CRPPA: variants seen among roughly 807,000 people sequenced by gnomAD.
CRPPA encodes D-ribitol-5-phosphate cytidylyltransferase.
CRPPA carries 43 observed loss-of-function variants against 52.0 expected under a neutral mutation model. The ratio of observed to expected loss-of-function variants is 0.83; its 90% CI spans 0.65 to 1.07. The LOEUF (loss-of-function observed/expected upper bound fraction) is 1.07, where lower values mean the gene tolerates loss of function less well. Ranked by LOEUF, CRPPA falls within the 50% of genes least tolerant of loss-of-function variation. The pLI, the probability that CRPPA is intolerant of heterozygous loss-of-function variation, is 0.00. For synonymous variants in CRPPA, 250 were observed against 203.5 expected, an observed-to-expected ratio of 1.23 and a Z score of -1.94; for missense variants, 629 against 551.7, an observed-to-expected ratio of 1.14 and a Z score of -1.40.
chr7:16,408,041 G>T (rs138496776), intron 1 of CRPPA, among the ~76,000 whole-genome samples: 1 of 150,322 alleles, frequency 6.7e-6, no homozygotes, highest in African/African-American at 2.4e-5. Context: ...CCAGGAGGCA[G>T]AAGTTGAAAT....
intron 9 of CRPPA, among the ~76,000 whole-genome samples, chr7:16,139,929 T>C (rs1271360934): frequency 6.6e-6 from 1 of 152,142 alleles, no homozygotes; most frequent in Admixed American, 6.6e-5. Flanking sequence ...AGTATCTTGT[T>C]TGATATACTC....
chr7:16,219,669 A>G (rs1052593796), intron 8 of CRPPA, among the ~76,000 whole-genome samples: 3 of 113,130 alleles, frequency 2.7e-5, no homozygotes, highest in Non-Finnish European at 5.8e-5. Flanking sequence ...AAACACCTCT[A>G]CGCAAATAAA....
rs34795937 is a variant in CRPPA at position 16,209,273 on chromosome 7, C to CTTTTTTT, written c.1251+6786_1251+6792dup. The CTTTTTTT allele has an allele frequency of 4.6e-4, 57 of 123,064 alleles. 4 individuals are homozygous for CTTTTTTT. The highest frequency in any genetic ancestry group is 8.8e-4 in the Non-Finnish European group (49 of 55,864). 7.6% of individuals were successfully genotyped at this position (123,064 alleles called of 1,614,324 possible). A position where few individuals can be genotyped will look rare whatever the true frequency, so the allele number is the denominator to read the frequency against. ...GGCCAAGTAATACGGTTCTAAGTGT[C>CTTTTTTT]TTTTTTTTTTTTTTTTTGAGACGAG... On this transcript the variant is annotated intron_variant, in intron 9 of 9. Transcript: ENST00000407010.
intron 9 of CRPPA, among the ~76,000 whole-genome samples, chr7:16,111,085 C>G (rs1782254117): frequency 6.7e-6 from 1 of 150,104 alleles, no homozygotes; most frequent in African/African-American, 2.4e-5. Flanking sequence ...GAAAACAAAG[C>G]AAACAATTAA....
In CRPPA at chr7:16,091,241, C is replaced by CA. The variant is rs1450546249; in HGVS notation, c.*453dup. On this transcript the variant is annotated 3_prime_UTR_variant, in exon 10 of 10. Transcript: ENST00000407010. ...ACATTTTTAACACAAGACAAAAAGA[C>CA]AAAATATCACCTGGTGACAGGACAA... The CA allele has an allele frequency of 1.3e-5, 2 of 153,524 alleles. No individual in the cohort carries two copies. Among genetic ancestry groups the CA allele is most frequent in the East Asian group, 3.8e-4 (2 of 5,210 alleles). The allele number at this position is 153,524 out of a possible 1,614,324, so 9.5% of individuals were successfully genotyped here.
At chr7:16,211,905 C>T (rs1435911861) in intron 9 of CRPPA, among the ~76,000 whole-genome samples, 3 of 152,070 alleles carry the variant, frequency 2.0e-5, no homozygotes, top group South Asian at 2.1e-4. Context: ...CTTACGTCAT[C>T]GAGTAGAGCA....
intron 5 of CRPPA, among the ~76,000 whole-genome samples, chr7:16,284,403 T>G (rs1411931864): frequency 6.6e-6 from 1 of 152,140 alleles, no homozygotes; most frequent in African/African-American, 2.4e-5. Context: ...TAGTGCCTGG[T>G]ACAAGAAAAC....
chr7:16,130,863 G>A (rs944699705), intron 9 of CRPPA, among the ~76,000 whole-genome samples: 1 of 152,090 alleles, frequency 6.6e-6, no homozygotes, highest in African/African-American at 2.4e-5. Flanking sequence ...TTTGGGGGGT[G>A]ATTAGGTCAT....
intron 5 of CRPPA, among the ~76,000 whole-genome samples, chr7:16,289,733 G>A (rs767046532): frequency 1.5e-4 from 23 of 152,076 alleles, no homozygotes; most frequent in Non-Finnish European, 2.9e-4. Flanking sequence ...ATACTGAATG[G>A]AGAAAAGCTG....
At chr7:16,359,204 C>A (rs560974562) in intron 3 of CRPPA, among the ~76,000 whole-genome samples, 3 of 152,174 alleles carry the variant, frequency 2.0e-5, no homozygotes, top group Non-Finnish European at 4.4e-5. Flanking sequence ...TCACTGTAAC[C>A]TAGAACTCCT....
chr7:16,329,849 C>T (rs973598383), intron 3 of CRPPA, among the ~76,000 whole-genome samples: 2 of 152,178 alleles, frequency 1.3e-5, no homozygotes, highest in Non-Finnish European at 2.9e-5. Context: ...AATAGAGGAA[C>T]CATGATGTTG....
intron 6 of CRPPA, among the ~76,000 whole-genome samples, chr7:16,274,250 G>A (rs1404303471): frequency 2.0e-5 from 3 of 151,912 alleles, no homozygotes; most frequent in East Asian, 3.9e-4. Context: ...AGGTTTCACC[G>A]TGTTAGCCAG....
intron 9 of CRPPA, among the ~76,000 whole-genome samples, chr7:16,204,240 T>C (rs1781919267): frequency 6.6e-6 from 1 of 152,290 alleles, no homozygotes; most frequent in African/African-American, 2.4e-5. Flanking sequence ...CAGAAAACTA[T>C]ATGACAATTG....
At chr7:16,318,044 T>C (rs1341552953) in intron 3 of CRPPA, among the ~76,000 whole-genome samples, 1 of 152,180 alleles carries the variant, frequency 6.6e-6, no homozygotes, top group Non-Finnish European at 1.5e-5. Flanking sequence ...GAATTTTCAT[T>C]GTCAACACAG....
At chr7:16,308,783 T>TA (rs1784972574) in intron 3 of CRPPA, among the ~76,000 whole-genome samples, 156 bp from the exon 4 acceptor site, 1 of 152,204 alleles carries the variant, frequency 6.6e-6, no homozygotes, top group Non-Finnish European at 1.5e-5. Context: ...CCCCATTAGC[T>TA]AAAAGCAAAA....
At chr7:16,407,071 G>A (rs142277544) in intron 1 of CRPPA, among the ~76,000 whole-genome samples, 1,959 of 152,232 alleles carry the variant, frequency 0.013, 51 homozygotes, top group African/African-American at 0.046. Flanking sequence ...TGCCTCCTGG[G>A]TTCAAACGAT....
chr7:16,188,555 G>T (rs2128389741), intron 9 of CRPPA, among the ~76,000 whole-genome samples: 1 of 152,258 alleles, frequency 6.6e-6, no homozygotes, highest in African/African-American at 2.4e-5. Flanking sequence ...TCTGCTAGCA[G>T]TGTGAGATTG....
intron 9 of CRPPA, among the ~76,000 whole-genome samples, chr7:16,108,052 T>C (rs918562504): frequency 6.6e-6 from 1 of 151,698 alleles, no homozygotes; most frequent in Non-Finnish European, 1.5e-5. Context: ...CAGAAAACCA[T>C]TAAATCACAA....
chr7:16,297,956 C>A lies in CRPPA; in HGVS notation c.835+3465G>T, dbSNP rs575890674. Among the ~76,000 whole-genome samples the A allele has an allele frequency of 1.7e-3, 259 of 152,284 alleles. 1 individual carries two copies. Among genetic ancestry groups the A allele is most frequent in the African/African-American group, 5.9e-3 (247 of 41,546 alleles). Reference sequence around the variant, plus strand: ...TCTGTATATCCTGCTGGTTCTGTTTCTCTAAATAACCCTGATTAATACACT... The same window carrying A: ...TCTGTATATCCTGCTGGTTCTGTTTATCTAAATAACCCTGATTAATACACT... On this transcript the variant is annotated intron_variant, in intron 5 of 9. Coordinates refer to ENST00000407010, the MANE Select transcript of CRPPA (RefSeq NM_001101426.4).
Sources: gnomAD v4.1 joint callset for allele counts (sites outside exome capture counted in the v4.1 genomes callset) on GRCh38, gnomAD v4.1.1 for gene constraint, MANE v1.5 for transcripts, NCBI Gene and HGNC (gene_info 2026-07-23, HGNC 2026-07-21) for gene names.